Variants in TENM3 observed in about 807,000 individuals in gnomAD.
The protein encoded by TENM3 is teneurin transmembrane protein 3, also known as teneurin-3.
In TENM3, 63 loss-of-function variants were observed where a neutral mutation model predicts 255.1. The ratio of observed to expected loss-of-function variants is 0.25; its 90% confidence interval spans 0.20 to 0.30. TENM3 has a LOEUF of 0.30. TENM3 is among the 10% of genes least tolerant of loss of function. The probability of loss-of-function intolerance (pLI) is 1.00; values close to 1 mark genes in which losing one functional copy is unlikely to be tolerated. For synonymous variants in TENM3, 1,306 were observed against 1,322.3 expected (o/e 0.99, Z 0.27); for missense variants, 2,929 against 3,461.1 (o/e 0.85, Z 3.86).
chr4:182,480,113 A>G (rs1297166403), intron 3 of TENM3, among the ~76,000 whole-genome samples: 2 of 151,998 alleles, frequency 1.3e-5, no homozygotes, highest in Non-Finnish European at 2.9e-5. Context: ...GAGAATTACG[A>G]TCTATATTAT....
intron 3 of TENM3, among the ~76,000 whole-genome samples, chr4:182,431,038 A>C: frequency 5.4e-5 from 1 of 18,388 alleles, no homozygotes; most frequent in East Asian, 0.017. Flanking sequence ...TAAATAAATA[A>C]ACAAACAAAC....
intron 19 of TENM3, among the ~76,000 whole-genome samples, chr4:182,750,586 TGAG>T (rs376688367): frequency 6.6e-5 from 10 of 152,150 alleles, no homozygotes; most frequent in African/African-American, 2.2e-4. Context: ...TCATTGGTAA[TGAG>T]GAGACTACTG....
chr4:182,757,243 T>C (rs1214086689), intron 22 of TENM3, among the ~76,000 whole-genome samples: 2 of 121,918 alleles, frequency 1.6e-5, no homozygotes, highest in African/African-American at 6.4e-5. Flanking sequence ...ACCCGGGAGG[T>C]GGAGGTTGCA....
intron 3 of TENM3, among the ~76,000 whole-genome samples, chr4:182,574,739 C>T (rs755443055): frequency 4.5e-4 from 68 of 152,222 alleles, no homozygotes; most frequent in Non-Finnish European, 9.6e-4. Flanking sequence ...CTCTCCCTCC[C>T]TGCAAGATTT....
intron 3 of TENM3, among the ~76,000 whole-genome samples, chr4:182,548,039 G>A (rs1238518259): frequency 6.6e-6 from 1 of 151,964 alleles, no homozygotes; most frequent in Non-Finnish European, 1.5e-5. Flanking sequence ...ACAACAAAGT[G>A]AGACCCCATC....
chr4:181,865,218 C>T, the TENM3 span, among the ~76,000 whole-genome samples: 6 of 152,102 alleles, frequency 3.9e-5, no homozygotes, highest in South Asian at 2.1e-4. Flanking sequence ...GCTTAGAGCA[C>T]GGGATTTAGA....
chr4:182,193,119 A>G (rs902386988), intron 1 of TENM3, among the ~76,000 whole-genome samples: 1 of 152,194 alleles, frequency 6.6e-6, no homozygotes, highest in Non-Finnish European at 1.5e-5. Flanking sequence ...TTTGGCATGA[A>G]GTATACACCA....
At chr4:182,148,013 GCTT>G (rs1327766948) in intron 1 of TENM3, among the ~76,000 whole-genome samples, 1 of 151,966 alleles carries the variant, frequency 6.6e-6, no homozygotes, top group Non-Finnish European at 1.5e-5. Context: ...GAAATTTTGT[GCTT>G]CAAAATAAAA....
intron 1 of TENM3, among the ~76,000 whole-genome samples, chr4:182,209,682 G>A (rs1199004280): frequency 6.6e-6 from 1 of 152,104 alleles, no homozygotes; most frequent in South Asian, 2.1e-4. Context: ...ACCATTTGAT[G>A]GGGGTATTAA....
At chr4:181,522,846 G>T in the TENM3 span, 2 of 955,732 alleles carry the variant, frequency 2.1e-6, no homozygotes, top group African/African-American at 3.2e-5. Context: ...TTCAATGCAG[G>T]CTCTAAAAGC....
the TENM3 span, among the ~76,000 whole-genome samples, chr4:181,724,127 T>C: frequency 6.6e-6 from 1 of 152,228 alleles, no homozygotes; most frequent in African/African-American, 2.4e-5. Flanking sequence ...GTTCCGTTCA[T>C]GTTGCCCTGT....
rs1766993778 is a variant in TENM3 at position 182,801,875 on chromosome 4, T to C, written c.*1524T>C. On this transcript the variant is annotated 3_prime_UTR_variant, in exon 28 of 28. Coordinates refer to ENST00000511685, the MANE Select transcript of TENM3 (RefSeq NM_001080477.4). ...GAACGAGCCCAGCCGCCATCTGCAC[T>C]TCCGTGTCGGCTCAGCTCTGACAAA... is the stretch of plus-strand genomic sequence containing the variant. 1 of 152,604 alleles carries C rather than the reference T, an allele frequency of 6.6e-6. No homozygotes were observed. The highest frequency in any genetic ancestry group is 2.1e-4 in the South Asian group (1 of 4,822). The allele number at this position is 152,604 out of a possible 1,614,324, so 9.5% of individuals were successfully genotyped here. A position where few individuals can be genotyped will look rare whatever the true frequency, so the allele number is the denominator to read the frequency against.
chr4:181,475,211 T>A, the TENM3 span, among the ~76,000 whole-genome samples: 1 of 152,202 alleles, frequency 6.6e-6, no homozygotes, highest in South Asian at 2.1e-4. Context: ...CATTCAGAAA[T>A]TTTGTTTGGT....
the TENM3 span, among the ~76,000 whole-genome samples, chr4:182,030,681 A>G: frequency 6.6e-6 from 1 of 152,192 alleles, no homozygotes; most frequent in Non-Finnish European, 1.5e-5. Flanking sequence ...ATGGTTGAAC[A>G]AATTTACATT....
the TENM3 span, among the ~76,000 whole-genome samples, chr4:181,661,905 TA>T: frequency 6.4e-4 from 86 of 134,032 alleles, 2 homozygotes; most frequent in East Asian, 0.014. Flanking sequence ...TGGCAGTTTG[TA>T]AAAAAAAAAA....
chr4:182,153,411 A>G (rs535856250), intron 1 of TENM3, among the ~76,000 whole-genome samples: 4 of 152,228 alleles, frequency 2.6e-5, no homozygotes, highest in Admixed American at 2.0e-4. Context: ...GTCAGGTTTT[A>G]AGATACATCA....
At chr4:182,634,766 G>A (rs549699469) in intron 5 of TENM3, among the ~76,000 whole-genome samples, 1 of 151,134 alleles carries the variant, frequency 6.6e-6, no homozygotes, top group Non-Finnish European at 1.5e-5. Context: ...CCAAAGAATG[G>A]CAAAAAGGAG....
chr4:182,624,882 A>T (rs1451630468), intron 4 of TENM3, among the ~76,000 whole-genome samples: 2 of 152,192 alleles, frequency 1.3e-5, no homozygotes, highest in Admixed American at 1.3e-4. Context: ...AAATAACAAG[A>T]TCACTGATTG....
chr4:181,707,009 C>A, the TENM3 span, among the ~76,000 whole-genome samples: 1 of 152,180 alleles, frequency 6.6e-6, no homozygotes, highest in Non-Finnish European at 1.5e-5. Flanking sequence ...TCTTCATCTT[C>A]CACAAGAGAG....
Sources: allele counts gnomAD v4.1 joint callset (sites outside exome capture counted in the v4.1 genomes callset), GRCh38; gene constraint gnomAD v4.1.1; transcripts MANE v1.5; gene names NCBI Gene and HGNC (gene_info 2026-07-23, HGNC 2026-07-21).